Variants in SESTD1 observed in about 807,000 individuals in gnomAD.
SESTD1 encodes SEC14 domain and spectrin repeat-containing protein 1.
In SESTD1, 43 loss-of-function variants were observed where a neutral mutation model predicts 101.7. The ratio of observed to expected loss-of-function variants is 0.42; its 90% CI spans 0.33 to 0.55. The LOEUF (loss-of-function observed/expected upper bound fraction) is 0.55, where lower values mean the gene tolerates loss of function less well. Ranked by LOEUF, SESTD1 falls within the 20% of genes least tolerant of loss-of-function variation. The probability of loss-of-function intolerance (pLI) is 0.07; values close to 1 mark genes in which losing one functional copy is unlikely to be tolerated. For synonymous variants in SESTD1, 283 were observed against 286.8 expected, an observed-to-expected ratio of 0.99 and a Z score of 0.13; for missense variants, 647 against 815.1, an observed-to-expected ratio of 0.79 and a Z score of 2.51.
chr2:179,162,190 A>G (rs534837785), intron 5 of SESTD1, among the ~76,000 whole-genome samples: 3 of 152,160 alleles, frequency 2.0e-5, no homozygotes, highest in Non-Finnish European at 2.9e-5. Context: ...AGCAACTGAC[A>G]AATCTCCCAA....
intron 2 of SESTD1, among the ~76,000 whole-genome samples, chr2:179,183,498 C>A (rs2046154452): frequency 6.6e-6 from 1 of 151,928 alleles, no homozygotes; most frequent in Non-Finnish European, 1.5e-5. Context: ...GTGCCCAGCA[C>A]AGTAAGTATT....
chr2:179,256,328 G>C (rs2047393105), intron 1 of SESTD1, among the ~76,000 whole-genome samples: 1 of 152,178 alleles, frequency 6.6e-6, no homozygotes, highest in Non-Finnish European at 1.5e-5. Flanking sequence ...GTGATTCATG[G>C]GAGGAGGTCA....
chr2:179,172,275 A>ATTCATTTTACATG, intron 4 of SESTD1, 42 bp from the exon 5 acceptor site: 3 of 1,291,328 alleles, frequency 2.3e-6, no homozygotes, highest in Non-Finnish European at 3.3e-6. Flanking sequence ...CACATGTAAA[A>ATTCATTTTACATG]TGAATAATTT....
At chr2:179,155,079 A>AT (rs971976945) in intron 5 of SESTD1, among the ~76,000 whole-genome samples, 18 of 150,294 alleles carry the variant, frequency 1.2e-4, no homozygotes, top group African/African-American at 1.7e-4. Flanking sequence ...TGCTCGGCTC[A>AT]TTTTTTTTTG....
chr2:179,103,009 T>A lies in SESTD1; in HGVS notation c.*6890A>T, dbSNP rs977488496. ...GCTTTCCACTACCCCCTCAACCTCA[T>A]CACAGAAATAACCTTTTCTGTTCAA... On this transcript the variant is annotated 3_prime_UTR_variant, in exon 18 of 18. Transcript: ENST00000428443. The A allele has an allele frequency of 7.9e-5, 12 of 152,078 alleles. No homozygotes were observed. Among genetic ancestry groups the A allele is most frequent in the African/African-American group, 2.7e-4 (11 of 41,414 alleles). The allele number at this position is 152,078 out of a possible 1,614,324, so 9.4% of individuals were successfully genotyped here. A position where few individuals can be genotyped will look rare whatever the true frequency, so the allele number is the denominator to read the frequency against.
intron 9 of SESTD1, among the ~76,000 whole-genome samples, chr2:179,137,319 T>C (rs1420382483): frequency 6.6e-6 from 1 of 152,088 alleles, no homozygotes; most frequent in Non-Finnish European, 1.5e-5. Context: ...TGACAGAACA[T>C]GTAGAAGTAT....
chr2:179,187,621 G>A (rs1397329172), intron 2 of SESTD1, among the ~76,000 whole-genome samples: 1 of 152,058 alleles, frequency 6.6e-6, no homozygotes, highest in Non-Finnish European at 1.5e-5. Flanking sequence ...GTGGCAGAAC[G>A]AGATCCTGTC....
chr2:179,196,034 A>C (rs887814397), intron 1 of SESTD1, among the ~76,000 whole-genome samples: 1 of 152,162 alleles, frequency 6.6e-6, no homozygotes, highest in Non-Finnish European at 1.5e-5. Context: ...CTGCATTTCC[A>C]TCTGAGGTAC....
At chr2:179,182,318 A>G (rs1179904476) in intron 3 of SESTD1, among the ~76,000 whole-genome samples, 1 of 152,154 alleles carries the variant, frequency 6.6e-6, no homozygotes, top group Non-Finnish European at 1.5e-5. Flanking sequence ...GTAGTGGTTT[A>G]CAAATCTGGT....
At chr2:179,254,311 A>T (rs917461258) in intron 1 of SESTD1, among the ~76,000 whole-genome samples, 1 of 152,116 alleles carries the variant, frequency 6.6e-6, no homozygotes, top group Non-Finnish European at 1.5e-5. Context: ...GGCTTTCTAC[A>T]ACCCCTTCCT....
intron 1 of SESTD1, among the ~76,000 whole-genome samples, chr2:179,194,474 C>T (rs2046361365): frequency 6.6e-6 from 1 of 152,136 alleles, no homozygotes; most frequent in South Asian, 2.1e-4. Flanking sequence ...TATTGCTTCC[C>T]TCTACCTCAC....
At chr2:179,124,257 T>G in intron 11 of SESTD1, 107 bp downstream of exon 11, 1 of 1,029,404 alleles carries the variant, frequency 9.7e-7, no homozygotes, top group Non-Finnish European at 1.4e-6. Context: ...ATTCATTTTA[T>G]TGGTTCAGAA....
intron 7 of SESTD1, among the ~76,000 whole-genome samples, chr2:179,148,916 C>A (rs1282867706): frequency 6.6e-6 from 1 of 151,612 alleles, no homozygotes; most frequent in Non-Finnish European, 1.5e-5. Context: ...AAAAATTAGC[C>A]GGGCGAGGTG....
At chr2:179,259,112 C>T (rs967616992) in intron 1 of SESTD1, among the ~76,000 whole-genome samples, 2 of 152,148 alleles carry the variant, frequency 1.3e-5, no homozygotes, top group African/African-American at 4.8e-5. Flanking sequence ...AAATCCAATT[C>T]CTGCACCTTT....
At chr2:179,173,078 C>T (rs544160868) in intron 4 of SESTD1, among the ~76,000 whole-genome samples, 1 of 152,332 alleles carries the variant, frequency 6.6e-6, no homozygotes, top group South Asian at 2.1e-4. Context: ...TAGCTCACTC[C>T]TCCACAACAG....
Position 179,116,765 on chromosome 2 carries a change from A to G in SESTD1, c.1550T>C (p.Leu517Pro), listed in dbSNP as rs747869809. ...GATGTGAGTCTTAAGCAGAGCATCCAGAAGTTCACTTAGCCATTCTACTGC... is the reference window on the plus strand; with the variant it reads ...GATGTGAGTCTTAAGCAGAGCATCCGGAAGTTCACTTAGCCATTCTACTGC... Reference protein sequence around the residue: ...AQAVEWLSELLDALLKTHIRL... With the variant: ...AQAVEWLSELPDALLKTHIRL... The change falls in exon 15 of 18, where the codon CTG becomes CCG. Residue 517 changes from leucine (L) to proline (P), a missense_variant. Physicochemically the swap from Leu to Pro is moderately conservative, Grantham distance 98. Around this residue, in one of 3 missense-constraint regions of SESTD1, gnomAD observed 476 missense variants for 562.6 expected, o/e 0.85. Transcript: ENST00000428443. The G allele has an allele frequency of 1.2e-6, 2 of 1,614,054 alleles. No individual in the cohort carries two copies. Among genetic ancestry groups the G allele is most frequent in the South Asian group, 1.1e-5 (1 of 91,082 alleles).
intron 4 of SESTD1, among the ~76,000 whole-genome samples, chr2:179,172,823 C>CA (rs947975789): frequency 1.3e-5 from 2 of 152,194 alleles, no homozygotes; most frequent in Non-Finnish European, 2.9e-5. Context: ...AAATATTTCA[C>CA]ATATATTTTA....
intron 5 of SESTD1, chr2:179,162,447 T>C (rs2045753885): frequency 6.6e-6 from 1 of 152,196 alleles, no homozygotes; most frequent in South Asian, 2.1e-4. Context: ...ACAGCTTATA[T>C]TATCTTGCAG....
At chr2:179,241,852 G>A (rs1375151113) in intron 1 of SESTD1, among the ~76,000 whole-genome samples, 2 of 151,818 alleles carry the variant, frequency 1.3e-5, no homozygotes, top group Non-Finnish European at 2.9e-5. Flanking sequence ...AACCCAGGAG[G>A]CGGAGCCTGC....
Sources: allele counts gnomAD v4.1 joint callset (sites outside exome capture counted in the v4.1 genomes callset), GRCh38; gene constraint gnomAD v4.1.1; regional missense constraint gnomAD v4.1.1; transcripts MANE v1.5; gene names NCBI Gene and HGNC (gene_info 2026-07-23, HGNC 2026-07-21).